Variants in IPMK observed in about 807,000 individuals in gnomAD.
IPMK encodes inositol 1,3,4,6-tetrakisphosphate 5-kinase.
In IPMK, 17 loss-of-function variants were observed where a neutral mutation model predicts 45.8. The observed-to-expected ratio is 0.37, with a 90% CI of 0.25 to 0.56. The LOEUF (loss-of-function observed/expected upper bound fraction) is 0.56, where lower values mean the gene tolerates loss of function less well. Among genes scored for constraint, IPMK ranks in the 20% least tolerant of loss-of-function variants. The pLI, the probability that IPMK is intolerant of heterozygous loss-of-function variation, is 0.79. For missense variants in IPMK, 399 were observed against 498.0 expected, an observed-to-expected ratio of 0.80 and a Z score of 1.89; for synonymous variants, 180 against 184.3, an observed-to-expected ratio of 0.98 and a Z score of 0.19.
At chr10:58,231,120 GT>G (rs1838510285) in intron 2 of IPMK, among the ~76,000 whole-genome samples, 1 of 152,078 alleles carries the variant, frequency 6.6e-6, no homozygotes, top group Non-Finnish European at 1.5e-5. Context: ...AGACGACAAG[GT>G]TAGAGAAAAA....
chr10:58,214,732 C>T (rs148454400), intron 4 of IPMK, among the ~76,000 whole-genome samples: 207 of 152,268 alleles, frequency 1.4e-3, no homozygotes, highest in Non-Finnish European at 2.3e-3. Context: ...CAGAACTACC[C>T]ATTATGCTTA....
At chr10:58,220,170 AT>A (rs1258824647) in intron 3 of IPMK, among the ~76,000 whole-genome samples, 2 of 152,318 alleles carry the variant, frequency 1.3e-5, no homozygotes, top group African/African-American at 4.8e-5. Flanking sequence ...GTACTGTAAC[AT>A]GTAAGTCCCT....
intron 3 of IPMK, among the ~76,000 whole-genome samples, chr10:58,220,067 G>A (rs928503335): frequency 6.6e-6 from 1 of 152,144 alleles, no homozygotes; most frequent in African/African-American, 2.4e-5. Flanking sequence ...ACTGACTGGG[G>A]CAGGAGCAAA....
intron 5 of IPMK, among the ~76,000 whole-genome samples, chr10:58,197,322 A>AATAAATAC (rs1554822217): frequency 4.5e-5 from 5 of 110,052 alleles, no homozygotes; most frequent in Non-Finnish European, 8.0e-5. Context: ...TAAATAAATA[A>AATAAATAC]ATAAATACAT....
At chr10:58,223,235 A>C (rs1838363481) in intron 3 of IPMK, among the ~76,000 whole-genome samples, 1 of 152,208 alleles carries the variant, frequency 6.6e-6, no homozygotes. Context: ...ATTAAATATA[A>C]CTATCTTAAA....
chr10:58,235,932 C>CA (rs1838605530), intron 2 of IPMK, among the ~76,000 whole-genome samples: 1 of 142,996 alleles, frequency 7.0e-6, no homozygotes, highest in Middle Eastern at 3.6e-3. Flanking sequence ...TCTTAAAGAA[C>CA]TTTTTTTTTT....
intron 1 of IPMK, among the ~76,000 whole-genome samples, chr10:58,256,728 T>C (rs1838973659): frequency 6.6e-6 from 1 of 152,116 alleles, no homozygotes; most frequent in Non-Finnish European, 1.5e-5. Context: ...AGCTGTAAAA[T>C]TTCTCTCTTT....
Position 58,224,823 on chromosome 10 carries a change from C to T in IPMK, c.373+2220G>A, listed in dbSNP as rs376705120. Among the ~76,000 whole-genome samples the T allele has an allele frequency of 2.5e-4, 38 of 152,272 alleles. No homozygotes were observed. The East Asian group carries it at 5.2e-3, about 21-fold the overall frequency. On this transcript the variant is annotated intron_variant, in intron 3 of 5. Transcript: ENST00000373935. Reference sequence around the variant, plus strand: ...ACTACATAAAACACAGTAACGCAAACCATAGTATTCTACTACAACTCAAGC... The same window carrying T: ...ACTACATAAAACACAGTAACGCAAATCATAGTATTCTACTACAACTCAAGC...
intron 4 of IPMK, among the ~76,000 whole-genome samples, chr10:58,215,925 C>T (rs72795657): frequency 0.067 from 10,128 of 151,946 alleles, 410 homozygotes; most frequent in Non-Finnish European, 0.089. Flanking sequence ...TATCAATCAC[C>T]CTACTATGTT....
At chr10:58,225,272 G>A (rs1050303395) in intron 3 of IPMK, among the ~76,000 whole-genome samples, 6 of 152,048 alleles carry the variant, frequency 3.9e-5, no homozygotes, top group Admixed American at 2.6e-4. Context: ...ACAACTTGGT[G>A]GTATTACTTT....
At chr10:58,262,720 G>A (rs1839091098) in intron 1 of IPMK, among the ~76,000 whole-genome samples, 1 of 152,186 alleles carries the variant, frequency 6.6e-6, no homozygotes, top group Admixed American at 6.5e-5. Flanking sequence ...GGGACCATTT[G>A]AGCAACAAAA....
intron 1 of IPMK, among the ~76,000 whole-genome samples, chr10:58,260,286 G>T (rs1342045829): frequency 6.6e-6 from 1 of 152,170 alleles, no homozygotes; most frequent in Admixed American, 6.5e-5. Context: ...AGAAAGAAGT[G>T]CTCCCGATAA....
intron 1 of IPMK, among the ~76,000 whole-genome samples, chr10:58,261,618 C>G (rs1839069369): frequency 6.6e-6 from 1 of 151,496 alleles, no homozygotes; most frequent in Non-Finnish European, 1.5e-5. Context: ...CAGTCTTGCT[C>G]TGTCACCCAG....
intron 2 of IPMK, among the ~76,000 whole-genome samples, chr10:58,232,331 A>G (rs1386475378): frequency 6.6e-6 from 1 of 152,228 alleles, no homozygotes; most frequent in Non-Finnish European, 1.5e-5. Context: ...CAACAAGCAG[A>G]CCTAATAGAC....
chr10:58,249,531 C>A (rs1046478016), intron 1 of IPMK, among the ~76,000 whole-genome samples: 2 of 152,086 alleles, frequency 1.3e-5, no homozygotes, highest in Non-Finnish European at 2.9e-5. Flanking sequence ...GATATCTATT[C>A]AGATTCTTTG....
intron 3 of IPMK, among the ~76,000 whole-genome samples, chr10:58,225,297 A>G (rs1838396612): frequency 6.6e-6 from 1 of 152,184 alleles, no homozygotes; most frequent in African/African-American, 2.4e-5. Flanking sequence ...TTGTAGAAGA[A>G]AACGTGGAGC....
chr10:58,208,594 T>G (rs1342894999), intron 4 of IPMK, among the ~76,000 whole-genome samples: 1 of 152,202 alleles, frequency 6.6e-6, no homozygotes, highest in Non-Finnish European at 1.5e-5. Context: ...GGATAAAGAC[T>G]CTGTATGAGT....
chr10:58,238,147 A>T (rs184005574), intron 1 of IPMK, among the ~76,000 whole-genome samples: 5 of 152,394 alleles, frequency 3.3e-5, no homozygotes, highest in Admixed American at 3.3e-4. Flanking sequence ...ACTTATAGTT[A>T]TAAGAAGCAA....
At chr10:58,262,497 C>T (rs1320349185) in intron 1 of IPMK, among the ~76,000 whole-genome samples, 1 of 152,102 alleles carries the variant, frequency 6.6e-6, no homozygotes, top group Admixed American at 6.5e-5. Flanking sequence ...CTTTAAAAAT[C>T]ATGTCCATTG....
Sources: gnomAD v4.1 joint callset for allele counts (sites outside exome capture counted in the v4.1 genomes callset) on GRCh38, gnomAD v4.1.1 for gene constraint, MANE v1.5 for transcripts, NCBI Gene and HGNC (gene_info 2026-07-23, HGNC 2026-07-21) for gene names.